PDS5B: variants seen among roughly 807,000 people sequenced by gnomAD.
The protein encoded by PDS5B is sister chromatid cohesion protein PDS5 homolog B.
Under a neutral mutation model 184.1 loss-of-function variants are expected in PDS5B, and 51 were observed. That is an observed-to-expected ratio of 0.28 (90% confidence interval 0.22 to 0.35). The LOEUF is 0.35. Ranked by LOEUF, PDS5B falls within the 10% of genes least tolerant of loss-of-function variation. The probability of loss-of-function intolerance (pLI) is 1.00; values close to 1 mark genes in which losing one functional copy is unlikely to be tolerated. For synonymous variants in PDS5B, 566 were observed against 569.2 expected, an observed-to-expected ratio of 0.99 and a Z score of 0.08; for missense variants, 1,180 against 1,723.3, an observed-to-expected ratio of 0.68 and a Z score of 5.58.
chr13:32,755,777 G>A lies in PDS5B; in HGVS notation c.2942-65G>A, dbSNP rs532933554. On this transcript the variant is annotated intron_variant, in intron 25 of 34. Coordinates refer to ENST00000315596, the MANE Select transcript of PDS5B (RefSeq NM_015032.4). The stretch of plus-strand genomic sequence containing the variant: ...TTGGTTTTCTAACCTGGATATTTTT[G>A]TTTTGTTTTGTTTTTTGCTTTTTCT... 62 of 755,158 alleles carry A rather than the reference G, an allele frequency of 8.2e-5. No homozygotes were observed. In the South Asian group the frequency reaches 1.2e-3, roughly 15 times the overall value. 46.8% of individuals were successfully genotyped at this position (755,158 alleles called of 1,614,324 possible).
intron 12 of PDS5B, among the ~76,000 whole-genome samples, chr13:32,687,971 A>G (rs1292171040): frequency 6.6e-6 from 1 of 152,196 alleles, no homozygotes; most frequent in Non-Finnish European, 1.5e-5. Context: ...ATAAAATTGA[A>G]GTTGTACTTC....
chr13:32,586,900 C>A (rs1393493310), intron 1 of PDS5B, among the ~76,000 whole-genome samples: 2 of 140,440 alleles, frequency 1.4e-5, no homozygotes, highest in African/African-American at 5.1e-5. Context: ...TTAAACTTGC[C>A]GCTCTGATCC....
intron 34 of PDS5B, among the ~76,000 whole-genome samples, chr13:32,774,157 A>G (rs1954883289): frequency 6.6e-6 from 1 of 152,182 alleles, no homozygotes; most frequent in Non-Finnish European, 1.5e-5. Flanking sequence ...TACAACTCAG[A>G]TATTTCTCTT....
In PDS5B at chr13:32,749,830, T is replaced by G. The variant is rs185021970; in HGVS notation, c.2737-3502T>G. Among the ~76,000 whole-genome samples, 742 of 151,454 alleles carry G rather than the reference T, an allele frequency of 4.9e-3. 3 individuals carry two copies. The highest frequency in any genetic ancestry group is 6.8e-3 in the Middle Eastern group (2 of 294). ...TAAAAGCTTTGATTGGAACTTTATC[T>G]GGGGGGGCGGGGACATTTGTAGTAT... On this transcript the variant is annotated intron_variant, in intron 24 of 34. Coordinates refer to ENST00000315596, the MANE Select transcript of PDS5B (RefSeq NM_015032.4).
chr13:32,738,290 T>A (rs1953411041), intron 21 of PDS5B, among the ~76,000 whole-genome samples: 2 of 152,364 alleles, frequency 1.3e-5, no homozygotes, highest in African/African-American at 4.8e-5. Context: ...TCACTTTTTT[T>A]AAGTCATTTT....
At chr13:32,763,304 A>T (rs1954472423) in intron 30 of PDS5B, 1 of 152,584 alleles carries the variant, frequency 6.6e-6, no homozygotes, top group Non-Finnish European at 1.5e-5. Context: ...AATTGCCCTG[A>T]TGATTTGTGC....
Position 32,659,285 on chromosome 13 carries a change from GT to G in PDS5B, c.624+6del. On this transcript the variant is annotated splice_donor_region_variant and intron_variant, in intron 6 of 34. Transcript: ENST00000315596. The stretch of plus-strand genomic sequence containing the variant: ...AATCTGGTACCTGCTCATAAGGTGA[GT>G]AGCAATGTATACTGTAATGTGTCTA... 6.3e-7 allele frequency: 1 copy of G among 1,577,856 alleles called. No individual in the cohort carries two copies.
intron 17 of PDS5B, 126 bp downstream of exon 17, chr13:32,701,564 A>T (rs1951861911): frequency 1.7e-6 from 1 of 577,422 alleles, no homozygotes; most frequent in Non-Finnish European, 3.1e-6. Flanking sequence ...TCCTCTGTAT[A>T]TACTCCTCTG....
At chr13:32,656,897 G>A (rs1301952015) in intron 3 of PDS5B, among the ~76,000 whole-genome samples, 1 of 152,076 alleles carries the variant, frequency 6.6e-6, no homozygotes, top group East Asian at 1.9e-4. Context: ...TGCCTGGCTG[G>A]TATTCTGTTC....
At chr13:32,745,827 A>G in intron 23 of PDS5B, 150 bp from the exon 24 acceptor site, 1 of 642,518 alleles carries the variant, frequency 1.6e-6, no homozygotes, top group Non-Finnish European at 2.7e-6. Flanking sequence ...TTGCATTTCA[A>G]CATAGGAATT....
chr13:32,657,701 T>C (rs1371852776), intron 3 of PDS5B, among the ~76,000 whole-genome samples: 2 of 152,076 alleles, frequency 1.3e-5, no homozygotes, highest in Non-Finnish European at 2.9e-5. Flanking sequence ...AAATATGAGA[T>C]GGGAATAGAT....
rs1240719045 is a variant in PDS5B, at chr13:32,777,663, CTG to C, written c.*2613_*2614del. 2 of 152,356 alleles carry C rather than the reference CTG, an allele frequency of 1.3e-5. No individual in the cohort carries two copies. Among genetic ancestry groups the C allele is most frequent in the Non-Finnish European group, 2.9e-5 (2 of 67,848 alleles). The allele number at this position is 152,356 out of a possible 1,614,324, so 9.4% of individuals were successfully genotyped here. On this transcript the variant is annotated 3_prime_UTR_variant, in exon 35 of 35. Coordinates refer to ENST00000315596, the MANE Select transcript of PDS5B (RefSeq NM_015032.4). ...CTCAGTGAGGTTATCTTGCTGCACT[CTG>C]TAGCAAATTTGTTTAATCTACATTA... is the stretch of plus-strand genomic sequence containing the variant.
chr13:32,734,418 G>T (rs887366129), intron 20 of PDS5B, among the ~76,000 whole-genome samples: 1 of 152,076 alleles, frequency 6.6e-6, no homozygotes, highest in African/African-American at 2.4e-5. Context: ...CATATTAATG[G>T]TTGGGTTTCC....
intron 21 of PDS5B, among the ~76,000 whole-genome samples, chr13:32,737,859 C>A (rs1953395355): frequency 6.6e-6 from 1 of 152,136 alleles, no homozygotes; most frequent in African/African-American, 2.4e-5. Context: ...CTTTCTACTT[C>A]CTCCTTGTCC....
intron 3 of PDS5B, among the ~76,000 whole-genome samples, chr13:32,656,167 A>G (rs1380661562): frequency 6.7e-6 from 1 of 149,772 alleles, no homozygotes; most frequent in African/African-American, 2.5e-5. Flanking sequence ...ACTTTCTGTT[A>G]TGTTCCATTG....
chr13:32,673,531 A>G (rs1466418280), intron 8 of PDS5B, among the ~76,000 whole-genome samples, 175 bp downstream of exon 8: 1 of 152,194 alleles, frequency 6.6e-6, no homozygotes, highest in African/African-American at 2.4e-5. Flanking sequence ...AGTGCCTGGC[A>G]GGTGCCTAGC....
chr13:32,717,110 G>A (rs1451076140), intron 19 of PDS5B, among the ~76,000 whole-genome samples: 7 of 151,648 alleles, frequency 4.6e-5, no homozygotes, highest in Admixed American at 1.3e-4. Flanking sequence ...CGTCCGGGAG[G>A]TGAGGGGCGC....
At chr13:32,659,345 T>G in intron 6 of PDS5B, 65 bp downstream of exon 6, 1 of 1,254,242 alleles carries the variant, frequency 8.0e-7, no homozygotes, top group Non-Finnish European at 1.1e-6. Context: ...AAATTTGTGC[T>G]TAGGTTCTAA....
chr13:32,747,292 A>G (rs1953782993), intron 24 of PDS5B, among the ~76,000 whole-genome samples: 1 of 152,166 alleles, frequency 6.6e-6, no homozygotes, highest in Non-Finnish European at 1.5e-5. Context: ...AGTCTTAAGA[A>G]TTTACTTCAG....
Sources: allele counts gnomAD v4.1 joint callset (sites outside exome capture counted in the v4.1 genomes callset), GRCh38; gene constraint gnomAD v4.1.1; transcripts MANE v1.5; gene names NCBI Gene and HGNC (gene_info 2026-07-23, HGNC 2026-07-21).